FRMD3: variants seen among roughly 807,000 people sequenced by gnomAD.
FRMD3 encodes FERM domain containing 3, also known as FERM domain-containing protein 3.
In FRMD3, 33 loss-of-function variants were observed where a neutral mutation model predicts 70.2. The ratio of observed to expected loss-of-function variants is 0.47; its 90% CI spans 0.36 to 0.63. FRMD3 has a LOEUF of 0.63. FRMD3 is among the 20% of genes least tolerant of loss of function. The probability of loss-of-function intolerance (pLI) is 0.00; values close to 1 mark genes in which losing one functional copy is unlikely to be tolerated. For synonymous variants in FRMD3, 279 were observed against 255.9 expected, an observed-to-expected ratio of 1.09 and a Z score of -0.86; for missense variants, 632 against 711.4, an observed-to-expected ratio of 0.89 and a Z score of 1.27.
intron 12 of FRMD3, chr9:83,297,834 C>G (rs1317413342): frequency 4.2e-6 from 2 of 471,716 alleles, no homozygotes; most frequent in Non-Finnish European, 8.8e-6. Context: ...GGATATCATG[C>G]CAACTGCACT....
At chr9:83,306,183 C>T (rs916984042) in intron 10 of FRMD3, among the ~76,000 whole-genome samples, 1 of 152,186 alleles carries the variant, frequency 6.6e-6, no homozygotes, top group Non-Finnish European at 1.5e-5. Context: ...AGTGATTTCA[C>T]TAAAGTATCT....
the FRMD3 span, among the ~76,000 whole-genome samples, chr9:83,582,772 C>T: frequency 6.6e-6 from 1 of 152,126 alleles, no homozygotes; most frequent in Non-Finnish European, 1.5e-5. Context: ...TGGAGAGGTT[C>T]CCAAACATTA....
chr9:83,455,892 G>A (rs540574496), intron 1 of FRMD3, among the ~76,000 whole-genome samples: 5 of 152,304 alleles, frequency 3.3e-5, no homozygotes, highest in Admixed American at 3.3e-4. Context: ...AAGAAGTTCA[G>A]TGTGTTCCAT....
chr9:83,512,293 A>G (rs1298442013), intron 1 of FRMD3, among the ~76,000 whole-genome samples: 1 of 152,204 alleles, frequency 6.6e-6, no homozygotes, highest in Non-Finnish European at 1.5e-5. Context: ...GGGATATTCT[A>G]GACACTGGGG....
chr9:83,393,180 A>G (rs983247762), intron 1 of FRMD3, among the ~76,000 whole-genome samples: 10 of 152,234 alleles, frequency 6.6e-5, no homozygotes, highest in Admixed American at 5.2e-4. Flanking sequence ...GTTCAACTAC[A>G]CAACTTAACT....
At chr9:83,495,083 T>C (rs536288876) in intron 1 of FRMD3, among the ~76,000 whole-genome samples, 14 of 152,152 alleles carry the variant, frequency 9.2e-5, no homozygotes, top group Non-Finnish European at 1.3e-4. Flanking sequence ...TTTAGTTATA[T>C]AAATTAGGCT....
intron 1 of FRMD3, among the ~76,000 whole-genome samples, chr9:83,395,705 AT>A (rs1825793542): frequency 6.6e-6 from 1 of 152,150 alleles, no homozygotes; most frequent in Admixed American, 6.5e-5. Context: ...ACAACAATAA[AT>A]TTGTGCTTAA....
chr9:83,261,971 T>C (rs778308499), intron 13 of FRMD3, among the ~76,000 whole-genome samples: 20 of 152,214 alleles, frequency 1.3e-4, no homozygotes, highest in Non-Finnish European at 2.1e-4. Context: ...AGTTAATACA[T>C]GCAAAGTGCC....
At chr9:83,416,745 G>GTCTGTCTCTC (rs1826454857) in intron 1 of FRMD3, among the ~76,000 whole-genome samples, 2 of 102,234 alleles carry the variant, frequency 2.0e-5, no homozygotes, top group African/African-American at 3.9e-5. Flanking sequence ...ATTTCTCTCT[G>GTCTGTCTCTC]TCTCTCTCTC....
intron 1 of FRMD3, among the ~76,000 whole-genome samples, chr9:83,445,484 C>T (rs939199204): frequency 6.6e-6 from 1 of 152,220 alleles, no homozygotes; most frequent in African/African-American, 2.4e-5. Context: ...CTTTTTCCCA[C>T]CACACTCTAG....
At chr9:83,576,218 G>A in the FRMD3 span, among the ~76,000 whole-genome samples, 1 of 152,068 alleles carries the variant, frequency 6.6e-6, no homozygotes, top group Non-Finnish European at 1.5e-5. Context: ...ATTAATCCCA[G>A]GAGGGCAAGA....
At chr9:83,261,169 C>T (rs1320843823) in intron 13 of FRMD3, among the ~76,000 whole-genome samples, 2 of 150,364 alleles carry the variant, frequency 1.3e-5, no homozygotes, top group Non-Finnish European at 3.0e-5. Flanking sequence ...CCCATCGCTG[C>T]TCCCCAGCTG....
chr9:83,470,802 G>A (rs1426918162), intron 1 of FRMD3, among the ~76,000 whole-genome samples: 2 of 152,236 alleles, frequency 1.3e-5, no homozygotes, highest in African/African-American at 4.8e-5. Context: ...TTTGCAGGCT[G>A]GATTATTCAA....
intron 13 of FRMD3, among the ~76,000 whole-genome samples, chr9:83,257,006 C>A (rs1832738280): frequency 6.6e-6 from 1 of 152,128 alleles, no homozygotes; most frequent in African/African-American, 2.4e-5. Flanking sequence ...TTTGACCCAG[C>A]AATCTCATTA....
At chr9:83,557,128 A>G in the FRMD3 span, among the ~76,000 whole-genome samples, 4 of 152,292 alleles carry the variant, frequency 2.6e-5, no homozygotes, top group East Asian at 7.7e-4. Flanking sequence ...TAAGAAAAAG[A>G]GTTTGAATTA....
At chr9:83,294,524 C>T (rs4877250) in intron 12 of FRMD3, among the ~76,000 whole-genome samples, 137,834 of 152,272 alleles carry the variant, frequency 0.91, 62,835 homozygotes, top group East Asian at 1. Flanking sequence ...AAATATAATA[C>T]GCAAATTTGA....
chr9:83,553,935 C>T, the FRMD3 span, among the ~76,000 whole-genome samples: 1 of 152,162 alleles, frequency 6.6e-6, no homozygotes. Context: ...ACATTCTGGC[C>T]ATTTGAGTTA....
chr9:83,270,502 T>C (rs1177021431), intron 13 of FRMD3, among the ~76,000 whole-genome samples: 1 of 152,216 alleles, frequency 6.6e-6, no homozygotes, highest in Non-Finnish European at 1.5e-5. Flanking sequence ...ACTCCTCTCA[T>C]GGTTGTTATG....
intron 13 of FRMD3, among the ~76,000 whole-genome samples, chr9:83,253,040 C>A (rs962789702): frequency 6.6e-6 from 1 of 152,152 alleles, no homozygotes; most frequent in Non-Finnish European, 1.5e-5. Context: ...TAGATATCTA[C>A]AGAAATCTCC....
Sources: gnomAD v4.1 joint callset for allele counts (sites outside exome capture counted in the v4.1 genomes callset) on GRCh38, gnomAD v4.1.1 for gene constraint, MANE v1.5 for transcripts, NCBI Gene and HGNC (gene_info 2026-07-23, HGNC 2026-07-21) for gene names.